The following RBM28 variants were observed in gnomAD, a reference collection of about 807,000 sequenced individuals.
RBM28 encodes the protein RNA binding motif protein 28.
Under a neutral mutation model 98.3 loss-of-function variants are expected in RBM28, and 78 were observed. That is an observed-to-expected ratio of 0.79 (90% CI 0.66 to 0.96). The LOEUF is 0.96. Ranked by LOEUF, RBM28 falls within the 40% of genes least tolerant of loss-of-function variation. The pLI, the probability that RBM28 is intolerant of heterozygous loss-of-function variation, is 0.00. For synonymous variants in RBM28, 306 were observed against 330.9 expected (o/e 0.92, Z 0.82); for missense variants, 838 against 913.0 (o/e 0.92, Z 1.06).
At chr7:128,325,948 C>T (rs1365301493) in intron 10 of RBM28, 57 bp from the exon 11 acceptor site, 6 of 1,366,856 alleles carry the variant, frequency 4.4e-6, no homozygotes, top group Non-Finnish European at 6.3e-6. Flanking sequence ...AAACCAAAGA[C>T]AACATTGCAA....
Position 128,339,727 on chromosome 7 carries a change from G to C in RBM28, c.183C>G (p.Ala61=), listed in dbSNP as rs1366425908. ...TFSMLEDVQR[A]LKEITTFEGC... ...CTTCAAAGGTGGTAATCTCCTTGAGGGCCCTCTGAACATCTTCCAGCATTG... is the reference window on the plus strand; with the variant it reads ...CTTCAAAGGTGGTAATCTCCTTGAGCGCCCTCTGAACATCTTCCAGCATTG... The change falls in exon 2 of 19, where the codon GCC becomes GCG. Residue 61 remains alanine, a synonymous_variant. Transcript: ENST00000223073. 3.1e-6 allele frequency: 5 copies of C among 1,613,696 alleles called. No homozygotes were observed. The Admixed American group carries it at 8.3e-5, about 27-fold the overall frequency.
At position 128,307,284 on chromosome 7, in the gene RBM28, G is replaced by A. The variant is rs1795885423; in HGVS notation, c.*3513C>T. On this transcript the variant is annotated 3_prime_UTR_variant, in exon 19 of 19. Transcript: ENST00000223073. ...CAGTGGGTCACATGAATATGAAGCA[G>A]AGAACTGGCTGTGTGCGTCAGCAGG... The A allele has an allele frequency of 6.6e-6, 1 of 152,220 alleles. No individual in the cohort carries two copies. The highest frequency in any genetic ancestry group is 2.4e-5 in the African/African-American group (1 of 41,454). 9.4% of individuals were successfully genotyped at this position (152,220 alleles called of 1,614,324 possible).
rs1421171573 is a variant in RBM28, at chr7:128,304,751, A to C, written c.*6046T>G. 1.3e-5 allele frequency: 2 copies of C among 152,274 alleles called. No homozygotes were observed. Among genetic ancestry groups the C allele is most frequent in the African/African-American group, 4.8e-5 (2 of 41,442 alleles). The allele number at this position is 152,274 out of a possible 1,614,324, so 9.4% of individuals were successfully genotyped here. A position where few individuals can be genotyped will look rare whatever the true frequency, so the allele number is the denominator to read the frequency against. On this transcript the variant is annotated 3_prime_UTR_variant, in exon 19 of 19. Transcript: ENST00000223073. ...TTTACAGGCCTGCTTTACTCCTCAG[A>C]ATCCTGCTGCAGAGCTGAGGGCTGG...
intron 1 of RBM28, 98 bp from the exon 2 acceptor site, chr7:128,339,889 G>A: frequency 1.5e-6 from 2 of 1,376,036 alleles, no homozygotes; most frequent in Non-Finnish European, 1.0e-6. Flanking sequence ...CAAAGCCTAA[G>A]CTAGAGGATA....
At chr7:128,318,636 C>T (rs1391208243) in intron 14 of RBM28, among the ~76,000 whole-genome samples, 1 of 152,082 alleles carries the variant, frequency 6.6e-6, no homozygotes, top group Non-Finnish European at 1.5e-5. Context: ...TTTCTACTAG[C>T]TTATAGACAT....
rs189510965 is a variant in RBM28 at position 128,308,667 on chromosome 7, T to C, written c.*2130A>G. ...AACCAAAGGCATTTCAGAGCATTCA[T>C]GGGTTCCCCAAGATATTGCGATGAA... On this transcript the variant is annotated 3_prime_UTR_variant, in exon 19 of 19. Coordinates refer to ENST00000223073, the MANE Select transcript of RBM28 (RefSeq NM_018077.3). 1.3e-5 allele frequency: 2 copies of C among 152,372 alleles called. No homozygotes were observed. The highest frequency in any genetic ancestry group is 4.8e-5 in the African/African-American group (2 of 41,584). The allele number at this position is 152,372 out of a possible 1,614,324, so 9.4% of individuals were successfully genotyped here. A position where few individuals can be genotyped will look rare whatever the true frequency, so the allele number is the denominator to read the frequency against.
At chr7:128,343,453 C>A (rs191095328) in intron 1 of RBM28, among the ~76,000 whole-genome samples, 3 of 152,242 alleles carry the variant, frequency 2.0e-5, no homozygotes, top group Admixed American at 2.0e-4. Context: ...ATTTTTAGCG[C>A]GCATAATCAA....
rs375906781 is a variant in RBM28, at chr7:128,338,809, C to G, written c.373-8G>C. On this transcript the variant is annotated splice_region_variant and splice_polypyrimidine_tract_variant and intron_variant, in intron 3 of 18. Coordinates refer to ENST00000223073, the MANE Select transcript of RBM28 (RefSeq NM_018077.3). Reference sequence around the variant, plus strand: ...CAAGTCATCTTCTGAACACTGAAGCCAAAAGTGAAGAAAGAAAAAGAGAAA... The same window carrying G: ...CAAGTCATCTTCTGAACACTGAAGCGAAAAGTGAAGAAAGAAAAAGAGAAA... 2.2e-5 allele frequency: 35 copies of G among 1,594,002 alleles called. No homozygotes were observed. Among genetic ancestry groups the G allele is most frequent in the Non-Finnish European group, 2.7e-5 (31 of 1,162,140 alleles).
Position 128,321,325 on chromosome 7 carries a change from G to T in RBM28, c.1504C>A (p.Gln502Lys), listed in dbSNP as rs200981997. ...GCACTCAGCAGCAGCTTTCTGAGCT[G>T]TTTGTCATCTACAGCCTTTGGGAGA... ...HNLPKAVDDK[Q>K]LRKLLLSATS... Residue 502 changes from glutamine to lysine, a missense_variant, in exon 14 of 19, where the codon CAG (glutamine) becomes AAG (lysine). By Grantham distance (53) the Gln-to-Lys change is moderately conservative (BLOSUM62 1). Coordinates refer to ENST00000223073, the MANE Select transcript of RBM28 (RefSeq NM_018077.3). The T allele has an allele frequency of 6.2e-7, 1 of 1,614,218 alleles. No homozygotes were observed. The highest frequency in any genetic ancestry group is 2.2e-5 in the East Asian group (1 of 44,888).
intron 16 of RBM28, 110 bp downstream of exon 16, chr7:128,317,549 A>C (rs2290225): frequency 0.52 from 427,464 of 829,052 alleles, 114,535 homozygotes; most frequent in East Asian, 0.78. Flanking sequence ...GGGAACTAGG[A>C]GCAAAAAAAC....
At position 128,338,295 on chromosome 7, in the gene RBM28, C is replaced by T. The variant is rs371799702; in HGVS notation, c.496G>A (p.Glu166Lys). The T allele has an allele frequency of 1.2e-6, 2 of 1,614,010 alleles. No individual in the cohort carries two copies. Among genetic ancestry groups the T allele is most frequent in the African/African-American group, 2.7e-5 (2 of 74,928 alleles). Residue 166 changes from glutamate to lysine, a missense_variant, in exon 5 of 19, where the codon GAA becomes AAA. By Grantham distance (56) the Glu-to-Lys change is moderately conservative. Coordinates refer to ENST00000223073, the MANE Select transcript of RBM28 (RefSeq NM_018077.3). ...FGFVQFKNLL[E>K]AGKALKGMNM... The stretch of plus-strand genomic sequence containing the variant: ...ATGCCTTTGAGAGCTTTACCTGCTT[C>T]TAGGAGGTTTTTGAACTGAACAAAA...
chr7:128,313,566 T>C (rs1796035434), intron 17 of RBM28, among the ~76,000 whole-genome samples: 1 of 152,126 alleles, frequency 6.6e-6, no homozygotes, highest in African/African-American at 2.4e-5. Flanking sequence ...GGAGTTGAGG[T>C]TACAGTGCGC....
In RBM28 at chr7:128,339,654, T is replaced by G; in HGVS notation, c.256A>C (p.Thr86Pro). The stretch of plus-strand genomic sequence containing the variant: ...TCACCATTTTTCCCCTTTTCCTTTG[T>G]CTTGTTCCTCAGTTTTTTCTTGGCA... ...TVAKKKLRNK[T>P]KEKGKNENSE... Residue 86 changes from threonine (T) to proline (P), a missense_variant, in exon 2 of 19, where the codon ACA becomes CCA. Coordinates refer to ENST00000223073, the MANE Select transcript of RBM28 (RefSeq NM_018077.3). The G allele has an allele frequency of 6.2e-7, 1 of 1,614,154 alleles. No individual in the cohort carries two copies. Among genetic ancestry groups the G allele is most frequent in the Non-Finnish European group, 8.5e-7 (1 of 1,180,008 alleles).
chr7:128,331,700 T>C lies in RBM28; in HGVS notation c.1020-772A>G, dbSNP rs1215072956. On this transcript the variant is annotated intron_variant, in intron 9 of 18. Coordinates refer to ENST00000223073, the MANE Select transcript of RBM28 (RefSeq NM_018077.3). Reference sequence around the variant, plus strand: ...TCAAAAAAAGACAACTACTTACTTCTCTCGATGGGATTAAAAAAATGTTGG... The same window carrying C: ...TCAAAAAAAGACAACTACTTACTTCCCTCGATGGGATTAAAAAAATGTTGG... Among the ~76,000 whole-genome samples the C allele has an allele frequency of 4.0e-5, 6 of 151,654 alleles. No homozygotes were observed. The East Asian group carries it at 1.2e-3, about 29-fold the overall frequency.
In RBM28 at chr7:128,300,996, C is replaced by T. The variant is rs929159763; in HGVS notation, c.*9801G>A. On this transcript the variant is annotated 3_prime_UTR_variant, in exon 19 of 19. Transcript: ENST00000223073. ...GGATGGGTCACCCCGGGAGCAGAGC[C>T]TGGCTCATATCCTGGTATCCCTGCA... 1 of 152,516 alleles carries T rather than the reference C, an allele frequency of 6.6e-6. No individual in the cohort carries two copies. The highest frequency in any genetic ancestry group is 1.5e-5 in the Non-Finnish European group (1 of 68,270). 9.4% of individuals were successfully genotyped at this position (152,516 alleles called of 1,614,324 possible).
rs2116291604 is a variant in RBM28 at position 128,299,498 on chromosome 7, A to G, written c.*11299T>C. On this transcript the variant is annotated 3_prime_UTR_variant, in exon 19 of 19. Coordinates refer to ENST00000223073, the MANE Select transcript of RBM28 (RefSeq NM_018077.3). ...CAAAGTAGCTAGCCCTGGGAGGGGC[A>G]GTCTCTCCAGGATAATGCATTATAA... is the stretch of plus-strand genomic sequence containing the variant. 1 of 152,330 alleles carries G rather than the reference A, an allele frequency of 6.6e-6. No individual in the cohort carries two copies. Among genetic ancestry groups the G allele is most frequent in the African/African-American group, 2.4e-5 (1 of 41,574 alleles). The allele number at this position is 152,330 out of a possible 1,614,324, so 9.4% of individuals were successfully genotyped here.
At chr7:128,318,375 G>A (rs1181748318) in intron 14 of RBM28, among the ~76,000 whole-genome samples, 4 of 151,518 alleles carry the variant, frequency 2.6e-5, no homozygotes, top group African/African-American at 9.7e-5. Context: ...TCAAGAGGCT[G>A]AAGCAGGAGG....
At chr7:128,339,525 G>T in intron 2 of RBM28, 108 bp downstream of exon 2, 1 of 1,400,930 alleles carries the variant, frequency 7.1e-7, no homozygotes, top group Non-Finnish European at 1.0e-6. Context: ...AAAAAGAAAT[G>T]CAAAAAGCTT....
intron 1 of RBM28, among the ~76,000 whole-genome samples, chr7:128,342,262 G>T (rs189234611): frequency 6.6e-6 from 1 of 152,078 alleles, no homozygotes; most frequent in East Asian, 1.9e-4. Flanking sequence ...CAGGACTTTC[G>T]GTCCCTATTT....
Sources: gnomAD v4.1 joint callset for allele counts (sites outside exome capture counted in the v4.1 genomes callset) on GRCh38, gnomAD v4.1.1 for gene constraint, MANE v1.5 for transcripts, NCBI Gene and HGNC (gene_info 2026-07-23, HGNC 2026-07-21) for gene names.